The following NEUROG2 variants were observed in gnomAD, a reference collection of about 807,000 sequenced individuals.
The protein encoded by NEUROG2 is neurogenin-2.
In NEUROG2, 1 loss-of-function variant was observed where a neutral mutation model predicts 2.8. That is an observed-to-expected ratio of 0.36 (90% CI 0.13 to 1.71). NEUROG2 has a LOEUF of 1.71. Among genes scored for constraint, NEUROG2 ranks in the 40% most tolerant of loss-of-function variants. The pLI is 0.34. For synonymous variants in NEUROG2, 211 were observed against 187.7 expected (o/e 1.12, Z -1.01); for missense variants, 397 against 392.7 (o/e 1.01, Z -0.09).
At position 112,514,865 on chromosome 4, in the gene NEUROG2, C is replaced by T. The variant is rs1202174389; in HGVS notation, c.611G>A (p.Ser204Asn). Residue 204 changes from serine to asparagine, a missense_variant, in exon 2 of 2, where the codon AGC (serine) becomes AAC (asparagine). Ser to Asn is a conservative substitution (Grantham distance 46, BLOSUM62 1). Transcript: ENST00000313341. ...PGGASAALSS[S>N]GDSPSPASTW... The stretch of plus-strand genomic sequence containing the variant: ...GGAGGCGGGCGAGGGGCTGTCTCCG[C>T]TGCTGCTCAGGGCGGCGCTGGCTCC... The T allele has an allele frequency of 3.1e-6, 5 of 1,599,118 alleles. No homozygotes were observed. Among genetic ancestry groups the T allele is most frequent in the South Asian group, 1.1e-5 (1 of 89,850 alleles).
intron 1 of NEUROG2, 131 bp from the exon 2 acceptor site, chr4:112,515,607 G>A: frequency 4.3e-6 from 3 of 700,134 alleles, no homozygotes; most frequent in Non-Finnish European, 6.3e-6. Context: ...GGAGCAGGAA[G>A]GCGAAGGAAG....
rs1029453926 is a variant in NEUROG2 at position 112,513,722 on chromosome 4, T to C, written c.*935A>G. ...CGTGTCTGCTTAGGTTTTCAGACTGTTGATTTATTTTTAATCTCTTGAAAG... is the reference window on the plus strand; with the variant it reads ...CGTGTCTGCTTAGGTTTTCAGACTGCTGATTTATTTTTAATCTCTTGAAAG... On this transcript the variant is annotated 3_prime_UTR_variant, in exon 2 of 2. Coordinates refer to ENST00000313341, the MANE Select transcript of NEUROG2 (RefSeq NM_024019.4). 4 of 152,666 alleles carry C rather than the reference T, an allele frequency of 2.6e-5. No homozygotes were observed. The highest frequency in any genetic ancestry group is 9.7e-5 in the African/African-American group (4 of 41,448). The allele number at this position is 152,666 out of a possible 1,614,324, so 9.5% of individuals were successfully genotyped here.
chr4:112,515,008 G>A lies in NEUROG2; in HGVS notation c.468C>T (p.Phe156=), dbSNP rs745619538. Residue 156 remains phenylalanine (F), a synonymous_variant, in exon 2 of 2, where the codon TTC becomes TTT. Transcript: ENST00000313341. ...AKLTKIETLR[F]AHNYIWALTE... ...TGAGTGCCCAGATGTAGTTGTGGGC[G>A]AAGCGCAGGGTCTCGATCTTGGTGA... The A allele has an allele frequency of 6.2e-7, 1 of 1,613,922 alleles. No homozygotes were observed. Among genetic ancestry groups the A allele is most frequent in the South Asian group, 1.1e-5 (1 of 91,068 alleles).
In NEUROG2 at chr4:112,514,594, G is replaced by A; in HGVS notation, c.*63C>T. ...AGGAGGGGCAGGGGAAGGGAGGAGG[G>A]CTCGACTGGGGACAGGAAAGGGAAC... On this transcript the variant is annotated 3_prime_UTR_variant, in exon 2 of 2. Transcript: ENST00000313341. 7.4e-7 allele frequency: 1 copy of A among 1,357,330 alleles called. No individual in the cohort carries two copies. The highest frequency in any genetic ancestry group is 1.7e-5 in the South Asian group (1 of 57,986). 84.1% of individuals were successfully genotyped at this position (1,357,330 alleles called of 1,614,324 possible).
Position 112,514,769 on chromosome 4 carries a change from C to A in NEUROG2, c.707G>T (p.Cys236Phe). The A allele has an allele frequency of 1.9e-6, 3 of 1,538,540 alleles. No homozygotes were observed. Among genetic ancestry groups the A allele is most frequent in the Non-Finnish European group, 2.6e-6 (3 of 1,147,962 alleles). Residue 236 changes from cysteine to phenylalanine, a missense_variant, in exon 2 of 2, where the codon TGC (cysteine) becomes TTC (phenylalanine). Coordinates refer to ENST00000313341, the MANE Select transcript of NEUROG2 (RefSeq NM_024019.4). ...VSSNSTSPYS[C>F]TLSPASPAGS... Reference sequence around the variant, plus strand: ...GGCCGGGCTGGCGGGCGATAAAGTGCAGCTGTAGGGGGAGGTGGAATTGGA... The same window carrying A: ...GGCCGGGCTGGCGGGCGATAAAGTGAAGCTGTAGGGGGAGGTGGAATTGGA...
In NEUROG2 at chr4:112,514,846, G is replaced by A. The variant is rs770829381; in HGVS notation, c.630C>T (p.Pro210=). 9 of 1,591,186 alleles carry A rather than the reference G, an allele frequency of 5.7e-6. No individual in the cohort carries two copies. Among genetic ancestry groups the A allele is most frequent in the Non-Finnish European group, 7.7e-6 (9 of 1,172,468 alleles). The change falls in exon 2 of 2, where the codon CCC becomes CCT. Residue 210 remains proline, a synonymous_variant. Transcript: ENST00000313341. ...ALSSSGDSPS[P]ASTWSCTNSP... ...TGTTGGTGCAACTCCACGTGGAGGC[G>A]GGCGAGGGGCTGTCTCCGCTGCTGC... is the stretch of plus-strand genomic sequence containing the variant.
chr4:112,515,422 C>A lies in NEUROG2; in HGVS notation c.54G>T (p.Val18=), dbSNP rs1000782099. 2 of 1,530,624 alleles carry A rather than the reference C, an allele frequency of 1.3e-6. No homozygotes were observed. Among genetic ancestry groups the A allele is most frequent in the Non-Finnish European group, 1.7e-6 (2 of 1,151,870 alleles). 94.8% of individuals were successfully genotyped at this position (1,530,624 alleles called of 1,614,324 possible). A position where few individuals can be genotyped will look rare whatever the true frequency, so the allele number is the denominator to read the frequency against. The stretch of plus-strand genomic sequence containing the variant: ...AGGCGGGGGAGGCCGATCCGAGCAG[C>A]ACTAACACGTCCTCTTCCTCCTTCA... ...LELKEEEDVL[V]LLGSASPALA... is the part of the protein sequence containing the mutation. The change falls in exon 2 of 2, where the codon GTG becomes GTT. Residue 18 remains valine (V), a synonymous_variant. Transcript: ENST00000313341.
chr4:112,514,323 G>A lies in NEUROG2; in HGVS notation c.*334C>T. The A allele has an allele frequency of 3.7e-6, 1 of 272,212 alleles. No individual in the cohort carries two copies. Among genetic ancestry groups the A allele is most frequent in the Non-Finnish European group, 6.8e-6 (1 of 146,114 alleles). 16.9% of individuals were successfully genotyped at this position (272,212 alleles called of 1,614,324 possible). A position where few individuals can be genotyped will look rare whatever the true frequency, so the allele number is the denominator to read the frequency against. ...CCTTCGGCGTTAAAGAGAAAGGGGAGGAGCGTCAGTCCGCTCTGCAAACTC... is the reference window on the plus strand; with the variant it reads ...CCTTCGGCGTTAAAGAGAAAGGGGAAGAGCGTCAGTCCGCTCTGCAAACTC... On this transcript the variant is annotated 3_prime_UTR_variant, in exon 2 of 2. Transcript: ENST00000313341.
At position 112,514,895 on chromosome 4, in the gene NEUROG2, G is replaced by A. The variant is rs774225742; in HGVS notation, c.581C>T (p.Pro194Leu). 2.5e-6 allele frequency: 4 copies of A among 1,601,766 alleles called. No individual in the cohort carries two copies. The highest frequency in any genetic ancestry group is 2.7e-5 in the African/African-American group (2 of 74,582). ...ALFSEAVLLSPGGASAALSSS... is the reference protein window; with the variant it reads ...ALFSEAVLLSLGGASAALSSS... ...GCTCAGGGCGGCGCTGGCTCCTCCCGGGCTCAGCAACACTGCCTCGGAGAA... is the reference window on the plus strand; with the variant it reads ...GCTCAGGGCGGCGCTGGCTCCTCCCAGGCTCAGCAACACTGCCTCGGAGAA... The change falls in exon 2 of 2, where the codon CCG (proline) becomes CTG (leucine). Residue 194 changes from proline to leucine, a missense_variant. Physicochemically the swap from Pro to Leu is moderately conservative, Grantham distance 98. Coordinates refer to ENST00000313341, the MANE Select transcript of NEUROG2 (RefSeq NM_024019.4).
chr4:112,515,429 A>G lies in NEUROG2; in HGVS notation c.47T>C (p.Val16Ala), dbSNP rs1323325402. The G allele has an allele frequency of 6.5e-7, 1 of 1,529,928 alleles. No homozygotes were observed. Among genetic ancestry groups the G allele is most frequent in the Non-Finnish European group, 8.7e-7 (1 of 1,151,588 alleles). The allele number at this position is 1,529,928 out of a possible 1,614,324, so 94.8% of individuals were successfully genotyped here. Residue 16 changes from valine to alanine, a missense_variant, in exon 2 of 2, where the codon GTG becomes GCG. Coordinates refer to ENST00000313341, the MANE Select transcript of NEUROG2 (RefSeq NM_024019.4). ...ETLELKEEED[V>A]LVLLGSASPA... ...GGAGGCCGATCCGAGCAGCACTAAC[A>G]CGTCCTCTTCCTCCTTCAACTCCAA... is the stretch of plus-strand genomic sequence containing the variant.
At position 112,513,519 on chromosome 4, in the gene NEUROG2, T is replaced by C. The variant is rs1009014082; in HGVS notation, c.*1138A>G. ...AGGTAGAATACAACACACAAACTTA[T>C]GAAAATTAGATAGTTTATTTATAGT... On this transcript the variant is annotated 3_prime_UTR_variant, in exon 2 of 2. Coordinates refer to ENST00000313341, the MANE Select transcript of NEUROG2 (RefSeq NM_024019.4). 4.6e-5 allele frequency: 7 copies of C among 152,514 alleles called. No homozygotes were observed. Among genetic ancestry groups the C allele is most frequent in the South Asian group, 2.1e-4 (1 of 4,836 alleles). 9.4% of individuals were successfully genotyped at this position (152,514 alleles called of 1,614,324 possible).
chr4:112,515,510 G>C (rs201416208), intron 1 of NEUROG2, 34 bp from the exon 2 acceptor site: 1 of 1,486,848 alleles, frequency 6.7e-7, no homozygotes, highest in African/African-American at 1.5e-5. Context: ...AAGGCAGTGA[G>C]GTGTAAGGAA....
rs1216394551 is a variant in NEUROG2, at chr4:112,515,911, A to C, written c.-66T>G. On this transcript the variant is annotated 5_prime_UTR_variant, in exon 1 of 2. Transcript: ENST00000313341. ...TGGCCTGTGCCGGGAATCTCCGCGCAGCTGCGAGCGCAGCGCCGGGTCCTT... is the reference window on the plus strand; with the variant it reads ...TGGCCTGTGCCGGGAATCTCCGCGCCGCTGCGAGCGCAGCGCCGGGTCCTT... 2 of 152,982 alleles carry C rather than the reference A, an allele frequency of 1.3e-5. No individual in the cohort carries two copies. The highest frequency in any genetic ancestry group is 4.8e-5 in the African/African-American group (2 of 41,506). The allele number at this position is 152,982 out of a possible 1,614,324, so 9.5% of individuals were successfully genotyped here.
chr4:112,514,728 A>T lies in NEUROG2; in HGVS notation c.748T>A (p.Tyr250Asn). 2 of 1,520,188 alleles carry T rather than the reference A, an allele frequency of 1.3e-6. No homozygotes were observed. Among genetic ancestry groups the T allele is most frequent in the South Asian group, 1.3e-5 (1 of 75,020 alleles). The allele number at this position is 1,520,188 out of a possible 1,614,324, so 94.2% of individuals were successfully genotyped here. A position where few individuals can be genotyped will look rare whatever the true frequency, so the allele number is the denominator to read the frequency against. Residue 250 changes from tyrosine to asparagine, a missense_variant, in exon 2 of 2, where the codon TAT becomes AAT. Physicochemically the swap from Tyr to Asn is moderately radical, Grantham distance 143. Transcript: ENST00000313341. ...PASPAGSDMD[Y>N]WQPPPPDKHR... ...TTGTCGGGAGGTGGGGGCTGCCAAT[A>T]GTCCATGTCTGACCCGGCCGGGCTG...
intron 1 of NEUROG2, 93 bp from the exon 2 acceptor site, chr4:112,515,569 A>T: frequency 9.4e-7 from 1 of 1,068,532 alleles, no homozygotes; most frequent in Non-Finnish European, 1.3e-6. Flanking sequence ...TCCGGCGCGC[A>T]CCCGAGAAGA....
At position 112,513,897 on chromosome 4, in the gene NEUROG2, C is replaced by T. The variant is rs1736364575; in HGVS notation, c.*760G>A. 6.6e-6 allele frequency: 1 copy of T among 152,588 alleles called. No individual in the cohort carries two copies. Among genetic ancestry groups the T allele is most frequent in the Non-Finnish European group, 1.5e-5 (1 of 68,048 alleles). 9.5% of individuals were successfully genotyped at this position (152,588 alleles called of 1,614,324 possible). A position where few individuals can be genotyped will look rare whatever the true frequency, so the allele number is the denominator to read the frequency against. On this transcript the variant is annotated 3_prime_UTR_variant, in exon 2 of 2. Coordinates refer to ENST00000313341, the MANE Select transcript of NEUROG2 (RefSeq NM_024019.4). Reference sequence around the variant, plus strand: ...CGCTTGCATTCAATCATTACAAAGCCTACAAATTATACAATGACTTCTAAC... The same window carrying T: ...CGCTTGCATTCAATCATTACAAAGCTTACAAATTATACAATGACTTCTAAC...
rs1314048499 is a variant in NEUROG2 at position 112,515,183 on chromosome 4, C to G, written c.293G>C (p.Arg98Pro). 1 of 1,612,208 alleles carries G rather than the reference C, an allele frequency of 6.2e-7. No homozygotes were observed. Among genetic ancestry groups the G allele is most frequent in the South Asian group, 1.1e-5 (1 of 91,066 alleles). ...RRPSRARAVS[R>P]GAKTAETVQR... ...CACCGTCTCGGCCGTCTTGGCGCCTCGGGAGACGGCCCGCGCCCGGGAAGG... is the reference window on the plus strand; with the variant it reads ...CACCGTCTCGGCCGTCTTGGCGCCTGGGGAGACGGCCCGCGCCCGGGAAGG... Residue 98 changes from arginine (R) to proline (P), a missense_variant, in exon 2 of 2, where the codon CGA becomes CCA. Coordinates refer to ENST00000313341, the MANE Select transcript of NEUROG2 (RefSeq NM_024019.4).
At position 112,514,256 on chromosome 4, in the gene NEUROG2, A is replaced by G. The variant is rs1261310203; in HGVS notation, c.*401T>C. 1 of 194,242 alleles carries G rather than the reference A, an allele frequency of 5.1e-6. No individual in the cohort carries two copies. Among genetic ancestry groups the G allele is most frequent in the East Asian group, 1.2e-4 (1 of 8,050 alleles). The allele number at this position is 194,242 out of a possible 1,614,324, so 12.0% of individuals were successfully genotyped here. Reference sequence around the variant, plus strand: ...CAAAGGTGAAGAGATCACAGGAACCAGTTGCATTCCCCCTGTGAGATTCAC... The same window carrying G: ...CAAAGGTGAAGAGATCACAGGAACCGGTTGCATTCCCCCTGTGAGATTCAC... On this transcript the variant is annotated 3_prime_UTR_variant, in exon 2 of 2. Transcript: ENST00000313341.
rs1353256038 is a variant in NEUROG2 at position 112,513,844 on chromosome 4, T to C, written c.*813A>G. On this transcript the variant is annotated 3_prime_UTR_variant, in exon 2 of 2. Transcript: ENST00000313341. ...TCCCTTTTCCTCCACATTTTTCCTT[T>C]TGATAGAGAGTTCAGCCTAAATTTC... 6.6e-6 allele frequency: 1 copy of C among 152,670 alleles called. No homozygotes were observed. Among genetic ancestry groups the C allele is most frequent in the Non-Finnish European group, 1.5e-5 (1 of 68,054 alleles). The allele number at this position is 152,670 out of a possible 1,614,324, so 9.5% of individuals were successfully genotyped here.
Sources: allele counts gnomAD v4.1 joint callset, GRCh38; gene constraint gnomAD v4.1.1; transcripts MANE v1.5; gene names NCBI Gene and HGNC (gene_info 2026-07-23, HGNC 2026-07-21).